The following HSPA12A variants were observed in gnomAD, a reference collection of about 807,000 sequenced individuals.
HSPA12A encodes the protein heat shock protein family A (Hsp70) member 12A.
In HSPA12A, 28 loss-of-function variants were observed where a neutral mutation model predicts 69.2. The observed-to-expected ratio is 0.40, with a 90% CI of 0.30 to 0.55. The LOEUF is 0.55. HSPA12A is among the 20% of genes least tolerant of loss of function. The pLI is 0.38. For synonymous variants in HSPA12A, 345 were observed against 370.5 expected (o/e 0.93, Z 0.79); for missense variants, 686 against 900.7 (o/e 0.76, Z 3.05).
chr10:116,692,490 C>G, intron 5 of HSPA12A, 23 bp from the exon 6 acceptor site: 1 of 1,581,842 alleles, frequency 6.3e-7, no homozygotes, highest in Non-Finnish European at 8.7e-7. Context: ...GAAAGAAATG[C>G]AACAGGTCAA....
chr10:116,829,820 C>G (rs1845579511), intron 2 of HSPA12A: 1 of 152,184 alleles, frequency 6.6e-6, no homozygotes, highest in Non-Finnish European at 1.5e-5. Context: ...CTTGAATTCT[C>G]TTAGCAAACC....
chr10:116,810,136 T>C (rs1345172852), intron 2 of HSPA12A, among the ~76,000 whole-genome samples: 1 of 152,140 alleles, frequency 6.6e-6, no homozygotes, highest in Non-Finnish European at 1.5e-5. Flanking sequence ...GCAAGGTGTT[T>C]CTTCTTTTGT....
chr10:116,673,042 C>T lies in HSPA12A; in HGVS notation c.*1739G>A, dbSNP rs1222064331. 6.6e-6 allele frequency: 1 copy of T among 152,600 alleles called. No homozygotes were observed. Among genetic ancestry groups the T allele is most frequent in the Non-Finnish European group, 1.5e-5 (1 of 68,038 alleles). The allele number at this position is 152,600 out of a possible 1,614,324, so 9.5% of individuals were successfully genotyped here. Reference sequence around the variant, plus strand: ...TGGCTATGATAATGGGTTTGTGAATCCAAGTTGCATTGGAAGTTCACTCAT... The same window carrying T: ...TGGCTATGATAATGGGTTTGTGAATTCAAGTTGCATTGGAAGTTCACTCAT... On this transcript the variant is annotated 3_prime_UTR_variant, in exon 12 of 12. Transcript: ENST00000369209.
intron 2 of HSPA12A, among the ~76,000 whole-genome samples, chr10:116,833,603 T>A (rs1250011961): frequency 6.6e-6 from 1 of 152,150 alleles, no homozygotes; most frequent in Non-Finnish European, 1.5e-5. Context: ...AAAAACCAAT[T>A]CAGATCAATA....
chr10:116,777,359 A>G (rs1234143606), intron 2 of HSPA12A, among the ~76,000 whole-genome samples: 1 of 152,250 alleles, frequency 6.6e-6, no homozygotes. Flanking sequence ...AATTATTGCT[A>G]TGAGTTTCTT....
chr10:116,685,309 G>A (rs1349785567), intron 6 of HSPA12A, among the ~76,000 whole-genome samples: 1 of 152,044 alleles, frequency 6.6e-6, no homozygotes, highest in Non-Finnish European at 1.5e-5. Context: ...TCCAATTACT[G>A]GGCAAGGAGG....
intron 1 of HSPA12A, among the ~76,000 whole-genome samples, chr10:116,847,240 C>G (rs1256157821): frequency 6.6e-6 from 1 of 152,214 alleles, no homozygotes; most frequent in Non-Finnish European, 1.5e-5. Context: ...CCCAACTCCA[C>G]CACATCCAAC....
intron 2 of HSPA12A, among the ~76,000 whole-genome samples, chr10:116,784,240 C>T (rs1554892107): frequency 6.6e-6 from 1 of 152,226 alleles, no homozygotes; most frequent in African/African-American, 2.4e-5. Context: ...TTGTGACTTG[C>T]TCTGGCCAAT....
chr10:116,742,392 C>T (rs1554887314), intron 1 of HSPA12A, 38 bp downstream of exon 1: 7 of 1,429,136 alleles, frequency 4.9e-6, no homozygotes, highest in Non-Finnish European at 6.4e-6. Context: ...CTCCCTGCCC[C>T]GCCAGCCGCG....
chr10:116,697,122 G>T (rs1554880955), intron 5 of HSPA12A, among the ~76,000 whole-genome samples: 1 of 152,186 alleles, frequency 6.6e-6, no homozygotes, highest in Non-Finnish European at 1.5e-5. Context: ...TTGAATAGAT[G>T]AAAGTAATAC....
intron 1 of HSPA12A, among the ~76,000 whole-genome samples, chr10:116,715,276 A>G (rs1039838687): frequency 3.9e-5 from 6 of 152,226 alleles, no homozygotes; most frequent in East Asian, 1.9e-4. Context: ...ACCAACTGCG[A>G]CAGCTTAGAA....
chr10:116,774,805 T>G (rs1844297226), intron 2 of HSPA12A, among the ~76,000 whole-genome samples: 1 of 152,106 alleles, frequency 6.6e-6, no homozygotes. Flanking sequence ...ACCCTGACCC[T>G]GCAGGCTGCA....
intron 2 of HSPA12A, chr10:116,834,861 C>G: frequency 1.2e-6 from 1 of 812,832 alleles, no homozygotes; most frequent in Non-Finnish European, 1.6e-6. Context: ...TAGTCCCTCT[C>G]GACAGGAATG....
At position 116,674,844 on chromosome 10, in the gene HSPA12A, G is replaced by A; in HGVS notation, c.1965C>T (p.Ala655=). ...LMQFGDTEIK[A]TAIDIATSKS... ...TCGAAGTGGCTATATCAATGGCTGT[G>A]GCTTTGATCTCGGTGTCCCCGAACT... Residue 655 remains alanine, a synonymous_variant, in exon 12 of 12, where the codon GCC becomes GCT. Coordinates refer to ENST00000369209, the MANE Select transcript of HSPA12A (RefSeq NM_025015.3). 2 of 1,613,708 alleles carry A rather than the reference G, an allele frequency of 1.2e-6. No individual in the cohort carries two copies. The highest frequency in any genetic ancestry group is 1.7e-6 in the Non-Finnish European group (2 of 1,180,022).
At chr10:116,742,707 G>C (rs1237366055), upstream of HSPA12A, 1 of 633,424 alleles carries the variant, frequency 1.6e-6, no homozygotes, top group Non-Finnish European at 2.0e-6. Context: ...AGGCGGGCGC[G>C]GGGAACTGCC....
chr10:116,723,411 A>AG lies in HSPA12A; in HGVS notation c.41-16127dup, dbSNP rs1232059801. On this transcript the variant is annotated intron_variant, in intron 1 of 11. Transcript: ENST00000369209. The surrounding 1 kb of genome is among the most constrained non-coding windows in gnomAD (Gnocchi z 4.1). ...AGGCACAGCCCCAAGCTGTTCTTCC[A>AG]GGGGCAGGGGACGGGGCTGAGGACC... 6.6e-6 allele frequency among the ~76,000 whole-genome samples: 1 copy of AG among 152,096 alleles called. No individual in the cohort carries two copies. Among genetic ancestry groups the AG allele is most frequent in the Non-Finnish European group, 1.5e-5 (1 of 68,010 alleles).
At chr10:116,778,709 G>T (rs1844395445) in intron 2 of HSPA12A, among the ~76,000 whole-genome samples, 1 of 152,200 alleles carries the variant, frequency 6.6e-6, no homozygotes, top group African/African-American at 2.4e-5. Context: ...TGAGAACAGT[G>T]TGGTGGGCAA....
rs5788190 is a variant in HSPA12A, at chr10:116,740,961, T to TA, written c.40+1468dup. Among the ~76,000 whole-genome samples, 77 of 84,682 alleles carry TA rather than the reference T, an allele frequency of 9.1e-4. 2 individuals carry two copies. Among genetic ancestry groups the TA allele is most frequent in the African/African-American group, 3.2e-3 (69 of 21,300 alleles). The allele number at this position is 84,682 out of a possible 152,430, so 55.6% of individuals were successfully genotyped here. On this transcript the variant is annotated intron_variant, in intron 1 of 11. Coordinates refer to ENST00000369209, the MANE Select transcript of HSPA12A (RefSeq NM_025015.3). Reference sequence around the variant, plus strand: ...TATTTTCTGACTTAAAGGAAAAAAGTAAAAAAAAAAAAAAAAAAAAAAAAA... The same window carrying TA: ...TATTTTCTGACTTAAAGGAAAAAAGTAAAAAAAAAAAAAAAAAAAAAAAAAA...
At chr10:116,681,286 G>T in intron 8 of HSPA12A, 30 bp from the exon 9 acceptor site, 1 of 1,577,076 alleles carries the variant, frequency 6.3e-7, no homozygotes, top group Non-Finnish European at 8.7e-7. Context: ...CTTTTACACA[G>T]ACTGTTTGCC....
Sources: gnomAD v4.1 joint callset for allele counts (sites outside exome capture counted in the v4.1 genomes callset) on GRCh38, gnomAD v4.1.1 for gene constraint, Gnocchi (gnomAD v3.1) non-coding constraint, MANE v1.5 for transcripts, NCBI Gene and HGNC (gene_info 2026-07-23, HGNC 2026-07-21) for gene names.